RGS6: variants seen among roughly 807,000 people sequenced by gnomAD.
RGS6 encodes the protein regulator of G protein signaling 6.
Under a neutral mutation model 78.5 loss-of-function variants are expected in RGS6, and 30 were observed. The ratio of observed to expected loss-of-function variants is 0.38; its 90% CI spans 0.29 to 0.52. The LOEUF is 0.52. Among genes scored for constraint, RGS6 ranks in the 20% least tolerant of loss-of-function variants. The pLI is 0.85. For missense variants in RGS6, 495 were observed against 609.7 expected (o/e 0.81, Z 1.98); for synonymous variants, 206 against 206.0 (o/e 1.00, Z 0.00).
intron 1 of RGS6, among the ~76,000 whole-genome samples, chr14:71,948,163 A>C (rs980416598): frequency 1.3e-5 from 2 of 152,168 alleles, no homozygotes; most frequent in Non-Finnish European, 2.9e-5. Flanking sequence ...CGAGAGAAGA[A>C]GAAGATGGTC....
chr14:72,274,697 T>G (rs2060419991), intron 2 of RGS6, among the ~76,000 whole-genome samples: 1 of 152,048 alleles, frequency 6.6e-6, no homozygotes, highest in South Asian at 2.1e-4. Flanking sequence ...AGAGAAGAAG[T>G]TGTAATGATA....
At chr14:72,540,535 G>A in intron 17 of RGS6, 1 of 1,576,102 alleles carries the variant, frequency 6.3e-7, no homozygotes, top group Non-Finnish European at 8.6e-7. Context: ...AACCCTGGCA[G>A]TCACGCCGGT....
Position 72,564,344 on chromosome 14 carries a change from A to G in RGS6, c.*1877A>G, listed in dbSNP as rs535051305. 26 of 152,388 alleles carry G rather than the reference A, an allele frequency of 1.7e-4. 1 individual carries two copies. Among genetic ancestry groups the G allele is most frequent in the Admixed American group, 1.7e-3 (26 of 15,308 alleles). 9.4% of individuals were successfully genotyped at this position (152,388 alleles called of 1,614,324 possible). On this transcript the variant is annotated 3_prime_UTR_variant, in exon 18 of 18. Transcript: ENST00000553525. ...TGCTGGACACCTGCACATGCTCAGC[A>G]CAGAGGCTGGTACTTTGGAGGCACT...
chr14:72,244,635 A>G (rs1482015184), intron 2 of RGS6, among the ~76,000 whole-genome samples: 1 of 151,988 alleles, frequency 6.6e-6, no homozygotes, highest in East Asian at 1.9e-4. Context: ...AAAGAACGAG[A>G]CCTATTGCTG....
chr14:72,174,345 G>A lies in RGS6; in HGVS notation c.85-177750G>A, dbSNP rs150746759. 7.7e-3 allele frequency among the ~76,000 whole-genome samples: 1,166 copies of A among 152,202 alleles called. 11 individuals carry two copies. The highest frequency in any genetic ancestry group is 0.026 in the African/African-American group (1,100 of 41,524). ...ACTCCTGACCTCAGGTGATCTGCCC[G>A]CCTTGGCCACCCAAAGTGCTGGGAT... On this transcript the variant is annotated intron_variant, in intron 2 of 17. Transcript: ENST00000553525.
At chr14:72,157,355 G>A (rs554100998) in intron 2 of RGS6, among the ~76,000 whole-genome samples, 19 of 152,310 alleles carry the variant, frequency 1.2e-4, no homozygotes, top group African/African-American at 4.3e-4. Context: ...AGCCCCAGAA[G>A]TTCAGAACAT....
At chr14:72,020,610 C>CT (rs1280494978) in intron 2 of RGS6, among the ~76,000 whole-genome samples, 4 of 151,812 alleles carry the variant, frequency 2.6e-5, no homozygotes, top group Admixed American at 2.0e-4. Context: ...AGGTCTTTAT[C>CT]TTTTTGCAAG....
intron 13 of RGS6, 130 bp downstream of exon 13, chr14:72,495,392 C>T (rs2096631377): frequency 1.5e-6 from 1 of 668,014 alleles, no homozygotes; most frequent in South Asian, 1.7e-5. Context: ...CAAGTAGCCT[C>T]CCAGCTGAGT....
intron 17 of RGS6, chr14:72,547,369 T>A: frequency 4.6e-6 from 7 of 1,529,376 alleles, no homozygotes; most frequent in Non-Finnish European, 6.1e-6. Context: ...GGCTAAGAAG[T>A]AAGACCCCCC....
At chr14:72,090,421 T>C (rs1040130480) in intron 2 of RGS6, among the ~76,000 whole-genome samples, 7 of 152,220 alleles carry the variant, frequency 4.6e-5, no homozygotes, top group Non-Finnish European at 7.3e-5. Flanking sequence ...CACAGGAGCG[T>C]GAACCCTATT....
chr14:71,940,757 G>A (rs1378735665), intron 1 of RGS6, among the ~76,000 whole-genome samples: 1 of 152,184 alleles, frequency 6.6e-6, no homozygotes, highest in Non-Finnish European at 1.5e-5. Flanking sequence ...GGCAATTACA[G>A]GGCTCTTCAA....
chr14:71,982,004 G>C (rs942722987), intron 2 of RGS6, among the ~76,000 whole-genome samples: 8 of 152,184 alleles, frequency 5.3e-5, no homozygotes, highest in Admixed American at 2.6e-4. Flanking sequence ...CGTTTTTTAA[G>C]CCCGTCGGAA....
At chr14:72,276,133 T>C (rs1227392059) in intron 2 of RGS6, among the ~76,000 whole-genome samples, 1 of 152,206 alleles carries the variant, frequency 6.6e-6, no homozygotes, top group Non-Finnish European at 1.5e-5. Context: ...CATTTTTATG[T>C]AGAAAAGCTC....
At chr14:72,378,307 C>A (rs1419615910) in intron 3 of RGS6, among the ~76,000 whole-genome samples, 1 of 151,572 alleles carries the variant, frequency 6.6e-6, no homozygotes, top group African/African-American at 2.4e-5. Flanking sequence ...AACCAGAAAA[C>A]TGAGAACAAA....
At chr14:72,076,448 A>C (rs1375272804) in intron 2 of RGS6, among the ~76,000 whole-genome samples, 2 of 152,216 alleles carry the variant, frequency 1.3e-5, no homozygotes, top group African/African-American at 4.8e-5. Context: ...ACTCCAGTGA[A>C]TATCCTTTTG....
chr14:72,576,278 T>C, the RGS6 span, among the ~76,000 whole-genome samples: 80 of 152,328 alleles, frequency 5.3e-4, no homozygotes, highest in African/African-American at 1.9e-3. Context: ...GGGGGATATA[T>C]TATACCCACA....
intron 3 of RGS6, among the ~76,000 whole-genome samples, chr14:72,386,547 ATAATAG>A (rs1437854991): frequency 1.3e-5 from 2 of 152,064 alleles, no homozygotes; most frequent in Non-Finnish European, 2.9e-5. Flanking sequence ...CAAAATAATA[ATAATAG>A]TATTTGGAGG....
chr14:72,437,312 G>C (rs1353673958), intron 3 of RGS6, among the ~76,000 whole-genome samples: 5 of 127,804 alleles, frequency 3.9e-5, no homozygotes, highest in Non-Finnish European at 7.9e-5. Flanking sequence ...CTGCACTCCA[G>C]CCTGGACTAC....
At chr14:72,011,486 TGGA>T (rs2085704846) in intron 2 of RGS6, among the ~76,000 whole-genome samples, 1 of 151,758 alleles carries the variant, frequency 6.6e-6, no homozygotes, top group Non-Finnish European at 1.5e-5. Flanking sequence ...GTTCTATGAG[TGGA>T]ATACAGCTTT....
Sources: allele counts gnomAD v4.1 joint callset (sites outside exome capture counted in the v4.1 genomes callset), GRCh38; gene constraint gnomAD v4.1.1; transcripts MANE v1.5; gene names NCBI Gene and HGNC (gene_info 2026-07-23, HGNC 2026-07-21).